BAZ1A: variants seen among roughly 807,000 people sequenced by gnomAD.
BAZ1A encodes bromodomain adjacent to zinc finger domain protein 1A.
A neutral mutation model predicts 185.2 loss-of-function variants in BAZ1A; 50 were observed. That is an observed-to-expected ratio of 0.27 (90% CI 0.22 to 0.34). The LOEUF (loss-of-function observed/expected upper bound fraction) is 0.34, where lower values mean the gene tolerates loss of function less well. Ranked by LOEUF, BAZ1A falls within the 10% of genes least tolerant of loss-of-function variation. The probability of loss-of-function intolerance (pLI) is 1.00; values close to 1 mark genes in which losing one functional copy is unlikely to be tolerated. For missense variants in BAZ1A, 1,356 were observed against 1,839.9 expected (o/e 0.74, Z 4.81); for synonymous variants, 571 against 615.6 (o/e 0.93, Z 1.07).
In BAZ1A at chr14:34,826,055, T is replaced by C. The variant is rs751307874; in HGVS notation, c.494A>G (p.Asp165Gly). The C allele has an allele frequency of 4.4e-6, 7 of 1,602,734 alleles. No homozygotes were observed. The highest frequency in any genetic ancestry group is 6.0e-6 in the Non-Finnish European group (7 of 1,173,396). The part of the protein sequence containing the change: ...SVDGETIIIS[D>G]SDDSETQSCS... ...GCTTTGTGTTTCTGAATCATCACTA[T>C]CACTGATGATAATAGTTTCTCCATC... Residue 165 changes from aspartate to glycine, a missense_variant, in exon 4 of 27, where the codon GAT (aspartate) becomes GGT (glycine). By Grantham distance (94) the Asp-to-Gly change is moderately conservative. Transcript: ENST00000360310.
chr14:34,780,213 G>A lies in BAZ1A; in HGVS notation c.2209C>T (p.Pro737Ser). 1 of 1,613,116 alleles carries A rather than the reference G, an allele frequency of 6.2e-7. No individual in the cohort carries two copies. The highest frequency in any genetic ancestry group is 1.7e-5 in the Admixed American group (1 of 59,912). Residue 737 changes from proline (P) to serine (S), a missense_variant, in exon 17 of 27, where the codon CCA becomes TCA. Physicochemically the swap from Pro to Ser is moderately conservative, Grantham distance 74. This residue lies in a region of BAZ1A where 434 missense variants were observed against 561.7 expected (regional missense o/e 0.77). Coordinates refer to ENST00000360310, the MANE Select transcript of BAZ1A (RefSeq NM_013448.3). ...QDMVTEDEDDPGSHKRGRRGK... is the reference protein window; with the variant it reads ...QDMVTEDEDDSGSHKRGRRGK... Reference sequence around the variant, plus strand: ...CTTCTGCCTCTTTTATGTGATCCTGGGTCATCTTCATCTTCAGTGACCATA... The same window carrying A: ...CTTCTGCCTCTTTTATGTGATCCTGAGTCATCTTCATCTTCAGTGACCATA...
At chr14:34,860,851 T>A (rs1357561317) in intron 3 of BAZ1A, among the ~76,000 whole-genome samples, 2 of 151,996 alleles carry the variant, frequency 1.3e-5, no homozygotes, top group African/African-American at 4.8e-5. Flanking sequence ...TGAACCGAGA[T>A]CTTGCCATTG....
At chr14:34,842,780 T>A (rs2042437179) in intron 3 of BAZ1A, among the ~76,000 whole-genome samples, 1 of 152,142 alleles carries the variant, frequency 6.6e-6, no homozygotes, top group African/African-American at 2.4e-5. Context: ...CTTGAAAACA[T>A]CATCACTCAT....
chr14:34,794,261 A>G (rs1881056101), intron 11 of BAZ1A, among the ~76,000 whole-genome samples: 1 of 152,250 alleles, frequency 6.6e-6, no homozygotes, highest in African/African-American at 2.4e-5. Context: ...TACTATACTC[A>G]TTATAAATGT....
intron 21 of BAZ1A, among the ~76,000 whole-genome samples, chr14:34,766,760 T>C (rs1254042979): frequency 1.3e-5 from 2 of 152,214 alleles, no homozygotes; most frequent in African/African-American, 4.8e-5. Context: ...TACAAATCTT[T>C]GCAAATTCTC....
chr14:34,808,224 TG>T (rs1487676751), intron 5 of BAZ1A, among the ~76,000 whole-genome samples: 2 of 152,162 alleles, frequency 1.3e-5, no homozygotes, highest in Non-Finnish European at 2.9e-5. Context: ...CCAGGCACAG[TG>T]GCTCACACCT....
intron 3 of BAZ1A, among the ~76,000 whole-genome samples, chr14:34,847,236 TAAAAAAA>T (rs5807798): frequency 1.4e-5 from 2 of 142,604 alleles, no homozygotes; most frequent in African/African-American, 5.2e-5. Flanking sequence ...AGACTAGTCT[TAAAAAAA>T]AAAAAAAAGT....
At chr14:34,779,969 G>T (rs1879930730) in intron 17 of BAZ1A, 1 of 528,188 alleles carries the variant, frequency 1.9e-6, no homozygotes, top group Non-Finnish European at 3.2e-6. Context: ...AGTATAGATG[G>T]TGTGTAAATA....
In BAZ1A at chr14:34,753,419, A is replaced by G. The variant is rs183791572; in HGVS notation, c.*89T>C. The G allele has an allele frequency of 7.7e-3, 7,813 of 1,017,042 alleles. 42 individuals carry two copies. The highest frequency in any genetic ancestry group is 0.018 in the Middle Eastern group (81 of 4,416). The allele number at this position is 1,017,042 out of a possible 1,614,324, so 63.0% of individuals were successfully genotyped here. On this transcript the variant is annotated 3_prime_UTR_variant, in exon 27 of 27. Transcript: ENST00000360310. ...AGGCCACACTTTCATGTGGTCAATC[A>G]ATTGTTATTGCTTTATACAGCATGA...
intron 4 of BAZ1A, among the ~76,000 whole-genome samples, chr14:34,823,132 T>A (rs10149657): frequency 1.3e-3 from 204 of 152,074 alleles, no homozygotes; most frequent in African/African-American, 4.8e-3. Flanking sequence ...TATGGGTAGA[T>A]CAACTGAGGT....
rs529907799 is a variant in BAZ1A, at chr14:34,814,517, G to A, written c.537-3481C>T. On this transcript the variant is annotated intron_variant, in intron 4 of 26. Coordinates refer to ENST00000360310, the MANE Select transcript of BAZ1A (RefSeq NM_013448.3). ...AGGGTCTCACTCGGTGGTCCAGGCT[G>A]GAATACAGTGGCGCAATCACGGCTC... 5.9e-5 allele frequency among the ~76,000 whole-genome samples: 9 copies of A among 151,904 alleles called. No homozygotes were observed. In the East Asian group the frequency reaches 7.7e-4, roughly 13 times the overall value.
intron 3 of BAZ1A, among the ~76,000 whole-genome samples, chr14:34,833,812 G>T (rs1238775085): frequency 6.6e-6 from 1 of 152,058 alleles, no homozygotes; most frequent in Non-Finnish European, 1.5e-5. Flanking sequence ...CACTGTGAAT[G>T]TACTTAATGC....
chr14:34,761,803 G>C lies in BAZ1A; in HGVS notation c.4197C>G (p.Leu1399=). 1 of 1,614,172 alleles carries C rather than the reference G, an allele frequency of 6.2e-7. No individual in the cohort carries two copies. The highest frequency in any genetic ancestry group is 8.5e-7 in the Non-Finnish European group (1 of 1,180,024). ...ATCTTCTTTTGGATTCACTCTCTTG[G>C]AGAGAAAGTTTTGAAGCAATATTTA... ...RSVNIASKLS[L]QESESKRRCR... is the part of the protein sequence containing the mutation. The change falls in exon 24 of 27, where the codon CTC becomes CTG. Residue 1399 remains leucine (L), a synonymous_variant. Coordinates refer to ENST00000360310, the MANE Select transcript of BAZ1A (RefSeq NM_013448.3).
In BAZ1A at chr14:34,802,915, A is replaced by T; in HGVS notation, c.800T>A (p.Phe267Tyr). ...TCGTCTGTTAGCAGGACTGAAGATAAATGTGGGTGGATCATCAGGGAAGAA... is the reference window on the plus strand; with the variant it reads ...TCGTCTGTTAGCAGGACTGAAGATATATGTGGGTGGATCATCAGGGAAGAA... ...SYFFPDDPPTFIFSPANRRRG... is the reference protein window; with the variant it reads ...SYFFPDDPPTYIFSPANRRRG... The change falls in exon 7 of 27, where the codon TTT becomes TAT. Residue 267 changes from phenylalanine to tyrosine, a missense_variant. Coordinates refer to ENST00000360310, the MANE Select transcript of BAZ1A (RefSeq NM_013448.3). 1 of 1,612,990 alleles carries T rather than the reference A, an allele frequency of 6.2e-7. No individual in the cohort carries two copies. Among genetic ancestry groups the T allele is most frequent in the Non-Finnish European group, 8.5e-7 (1 of 1,178,940 alleles).
intron 3 of BAZ1A, among the ~76,000 whole-genome samples, chr14:34,845,614 A>G (rs1340470847): frequency 1.3e-5 from 2 of 152,086 alleles, no homozygotes; most frequent in African/African-American, 2.4e-5. Flanking sequence ...TAATCCCAAC[A>G]CTTTGGGAGG....
At chr14:34,817,086 C>A (rs928601701) in intron 4 of BAZ1A, among the ~76,000 whole-genome samples, 1 of 151,982 alleles carries the variant, frequency 6.6e-6, no homozygotes, top group South Asian at 2.1e-4. Context: ...GGAGATAAAA[C>A]CCTAATCCTC....
intron 3 of BAZ1A, 119 bp from the exon 4 acceptor site, chr14:34,826,275 GATTTA>G: frequency 1.1e-6 from 1 of 921,030 alleles, no homozygotes; most frequent in Admixed American, 3.7e-5. Context: ...ATAGCTGATT[GATTTA>G]AACAATTTAA....
chr14:34,827,085 A>ATC (rs113281273), intron 3 of BAZ1A, among the ~76,000 whole-genome samples: 57,180 of 150,450 alleles, frequency 0.38, 11,264 homozygotes, highest in South Asian at 0.5. Context: ...CCCTTCTCCT[A>ATC]TCTCTCTCTC....
chr14:34,777,029 A>G (rs1011528945), intron 17 of BAZ1A, among the ~76,000 whole-genome samples: 17 of 152,252 alleles, frequency 1.1e-4, no homozygotes, highest in Non-Finnish European at 4.4e-5. Flanking sequence ...AGGGGCATGC[A>G]AAATCTGTCA....
Sources: gnomAD v4.1 joint callset for allele counts (sites outside exome capture counted in the v4.1 genomes callset) on GRCh38, gnomAD v4.1.1 for gene constraint, gnomAD v4.1.1 regional missense constraint, MANE v1.5 for transcripts, NCBI Gene and HGNC (gene_info 2026-07-23, HGNC 2026-07-21) for gene names.